Variants in TRPM3 observed in about 807,000 individuals in gnomAD.
TRPM3 encodes the protein long transient receptor potential channel 3.
Under a neutral mutation model 181.2 loss-of-function variants are expected in TRPM3, and 77 were observed. The ratio of observed to expected loss-of-function variants is 0.42; its 90% CI spans 0.35 to 0.51. The LOEUF is 0.51. TRPM3 is among the 20% of genes least tolerant of loss of function. TRPM3 has a pLI of 0.01. For missense variants in TRPM3, 1,759 were observed against 2,196.7 expected, an observed-to-expected ratio of 0.80 and a Z score of 3.98; for synonymous variants, 745 against 796.4, an observed-to-expected ratio of 0.94 and a Z score of 1.09.
At chr9:71,248,279 G>C (rs2082149167) in intron 1 of TRPM3, among the ~76,000 whole-genome samples, 1 of 152,186 alleles carries the variant, frequency 6.6e-6, no homozygotes, top group Admixed American at 6.5e-5. Context: ...GGTTTAGACA[G>C]AAGTGTTCAA....
intron 1 of TRPM3, among the ~76,000 whole-genome samples, chr9:71,307,241 T>G (rs1480914343): frequency 6.6e-6 from 1 of 152,136 alleles, no homozygotes; most frequent in Non-Finnish European, 1.5e-5. Flanking sequence ...CATCATTTCT[T>G]TTTCTTGTAT....
chr9:71,172,229 T>C (rs538876980), intron 1 of TRPM3, among the ~76,000 whole-genome samples: 37 of 151,928 alleles, frequency 2.4e-4, no homozygotes, highest in Non-Finnish European at 4.4e-4. Flanking sequence ...TTGGAGGAAG[T>C]GGCTCCTGAA....
At chr9:70,785,188 T>C (rs2083346761) in intron 6 of TRPM3, among the ~76,000 whole-genome samples, 1 of 152,218 alleles carries the variant, frequency 6.6e-6, no homozygotes, top group Non-Finnish European at 1.5e-5. Context: ...AGTTGAATTG[T>C]TTCCCAAAAG....
intron 1 of TRPM3, among the ~76,000 whole-genome samples, chr9:71,324,777 C>T (rs188951854): frequency 2.0e-5 from 3 of 151,754 alleles, no homozygotes; most frequent in South Asian, 2.1e-4. Flanking sequence ...AATAGTATAC[C>T]GCTCGGCCAT....
intron 1 of TRPM3, among the ~76,000 whole-genome samples, chr9:71,364,762 AC>A (rs1250225432): frequency 6.6e-6 from 1 of 152,168 alleles, no homozygotes; most frequent in South Asian, 2.1e-4. Flanking sequence ...CTGGGAAGTG[AC>A]CCAGGGCACT....
intron 1 of TRPM3, among the ~76,000 whole-genome samples, chr9:71,043,774 CG>C (rs1465237460): frequency 6.6e-6 from 1 of 152,148 alleles, no homozygotes; most frequent in African/African-American, 2.4e-5. Context: ...GACTGACAAG[CG>C]AATCTATGTT....
At chr9:71,318,472 C>T (rs2088866963) in intron 1 of TRPM3, among the ~76,000 whole-genome samples, 1 of 152,166 alleles carries the variant, frequency 6.6e-6, no homozygotes, top group African/African-American at 2.4e-5. Flanking sequence ...GTGTCTACAA[C>T]ATATGCATTT....
At chr9:71,326,940 T>C (rs1331729213) in intron 1 of TRPM3, among the ~76,000 whole-genome samples, 2 of 152,186 alleles carry the variant, frequency 1.3e-5, no homozygotes, top group Non-Finnish European at 2.9e-5. Context: ...AGCTGTGTAA[T>C]ACACTGGTTA....
At chr9:70,745,511 C>T (rs2074992935) in intron 8 of TRPM3, among the ~76,000 whole-genome samples, 1 of 152,086 alleles carries the variant, frequency 6.6e-6, no homozygotes, top group Non-Finnish European at 1.5e-5. Flanking sequence ...AGATGATATT[C>T]AGATAACATT....
chr9:71,314,980 G>A (rs1268678667), intron 1 of TRPM3, among the ~76,000 whole-genome samples: 2 of 152,136 alleles, frequency 1.3e-5, no homozygotes, highest in African/African-American at 4.8e-5. Flanking sequence ...AGACTATGTA[G>A]AATGTTTGAT....
At chr9:71,442,233 A>C (rs1251887998) in intron 1 of TRPM3, among the ~76,000 whole-genome samples, 1 of 152,214 alleles carries the variant, frequency 6.6e-6, no homozygotes, top group Non-Finnish European at 1.5e-5. Flanking sequence ...ACCTGCTGAT[A>C]AGGGTAATTA....
chr9:71,280,320 G>C (rs1471103583), intron 1 of TRPM3, among the ~76,000 whole-genome samples: 1 of 152,108 alleles, frequency 6.6e-6, no homozygotes, highest in East Asian at 1.9e-4. Context: ...GTCTCATTAT[G>C]ATTTTGAAAT....
chr9:70,578,664 C>T lies in TRPM3; in HGVS notation c.3223+12367G>A, dbSNP rs180962857. Among the ~76,000 whole-genome samples, 50 of 152,346 alleles carry T rather than the reference C, an allele frequency of 3.3e-4. No homozygotes were observed. In the East Asian group the frequency reaches 8.3e-3, roughly 25 times the overall value. On this transcript the variant is annotated intron_variant, in intron 22 of 25. Transcript: ENST00000677713. ...ATGATCAATGGGGACCTGCAGCACT[C>T]TCTGCCTGGCTTTAGTTTGTGAGGA...
chr9:71,264,889 A>G (rs2083284318), intron 1 of TRPM3, among the ~76,000 whole-genome samples: 2 of 152,314 alleles, frequency 1.3e-5, no homozygotes, highest in Admixed American at 1.3e-4. Context: ...ATCCTAAAAT[A>G]TATATTTTAA....
At chr9:71,275,099 A>C (rs1504382) in intron 1 of TRPM3, among the ~76,000 whole-genome samples, 3,771 of 152,086 alleles carry the variant, frequency 0.025, 92 homozygotes, top group East Asian at 0.075. Context: ...ATTACAAAAG[A>C]AGCAGCAAAA....
chr9:71,263,583 C>T (rs1453301677), intron 1 of TRPM3, among the ~76,000 whole-genome samples: 1 of 152,116 alleles, frequency 6.6e-6, no homozygotes. Flanking sequence ...TGAGGGATTT[C>T]ATCTTATTTA....
intron 9 of TRPM3, among the ~76,000 whole-genome samples, chr9:70,651,578 A>G (rs1385311459): frequency 6.6e-6 from 1 of 152,142 alleles, no homozygotes; most frequent in Non-Finnish European, 1.5e-5. Flanking sequence ...AGAACTTTGC[A>G]TCTTGGGGTG....
chr9:70,577,341 G>T (rs910479477), intron 22 of TRPM3, among the ~76,000 whole-genome samples: 1 of 152,224 alleles, frequency 6.6e-6, no homozygotes, highest in Admixed American at 6.5e-5. Context: ...AGTTAAGAGC[G>T]TGGGTCTAGA....
chr9:71,197,059 C>T (rs529151227), intron 1 of TRPM3, among the ~76,000 whole-genome samples: 2 of 152,190 alleles, frequency 1.3e-5, no homozygotes, highest in African/African-American at 2.4e-5. Flanking sequence ...TGTGATGTTC[C>T]CCTTCCTGTG....
Sources: allele counts gnomAD v4.1 joint callset (sites outside exome capture counted in the v4.1 genomes callset), GRCh38; gene constraint gnomAD v4.1.1; transcripts MANE v1.5; gene names NCBI Gene and HGNC (gene_info 2026-07-23, HGNC 2026-07-21).